The following SMARCA2 variants were observed in gnomAD, a reference collection of about 807,000 sequenced individuals.
The protein encoded by SMARCA2 is SWI/SNF related BAF chromatin remodeling complex subunit ATPase 2.
In SMARCA2, 61 loss-of-function variants were observed where a neutral mutation model predicts 199.8. The observed-to-expected ratio is 0.31, with a 90% confidence interval of 0.25 to 0.38. SMARCA2 has a LOEUF of 0.38. SMARCA2 is among the 10% of genes least tolerant of loss of function. SMARCA2 has a pLI of 1.00. For synonymous variants in SMARCA2, 935 were observed against 732.0 expected (o/e 1.28, Z -4.48); for missense variants, 1,344 against 2,012.2 (o/e 0.67, Z 6.35).
In SMARCA2 at chr9:2,017,103, G is replaced by C. The variant is rs1563707149; in HGVS notation, c.-37+1699G>C. ...TTGGGCCGGTTTCCGGTACACGCGG[G>C]GAAATCGCCTCCTGCCAGTGTCTGA... is the stretch of plus-strand genomic sequence containing the variant. On this transcript the variant is annotated intron_variant, in intron 1 of 33. Transcript: ENST00000349721. This position sits in a 1 kb window ranked among gnomAD's most constrained non-coding sequence, Gnocchi z 8.8. 6.6e-6 allele frequency: 1 copy of C among 152,288 alleles called. No homozygotes were observed. Among genetic ancestry groups the C allele is most frequent in the Non-Finnish European group, 1.5e-5 (1 of 68,110 alleles). 9.4% of individuals were successfully genotyped at this position (152,288 alleles called of 1,614,324 possible).
At chr9:2,057,061 A>G (rs1046347273) in intron 7 of SMARCA2, among the ~76,000 whole-genome samples, 3 of 152,202 alleles carry the variant, frequency 2.0e-5, no homozygotes, top group Non-Finnish European at 4.4e-5. Context: ...AGGTCATACA[A>G]TTGCTTAGCA....
In SMARCA2 at chr9:2,104,913, G is replaced by C. The variant is rs1417910530; in HGVS notation, c.3292+744G>C. ...TATGGCATTCAAAGAGTGGTAAGTA[G>C]GAATAGAAGTTAATTTACAGTCAGG... On this transcript the variant is annotated intron_variant, in intron 23 of 33. Coordinates refer to ENST00000349721, the MANE Select transcript of SMARCA2 (RefSeq NM_003070.5). The surrounding 1 kb of genome is among the most constrained non-coding windows in gnomAD (Gnocchi z 4.0). Among the ~76,000 whole-genome samples, 1 of 152,146 alleles carries C rather than the reference G, an allele frequency of 6.6e-6. No homozygotes were observed. The highest frequency in any genetic ancestry group is 2.4e-5 in the African/African-American group (1 of 41,442).
chr9:2,076,118 C>T lies in SMARCA2; in HGVS notation c.1936-111C>T, dbSNP rs1167813425. The T allele has an allele frequency of 9.1e-6, 6 of 660,432 alleles. No homozygotes were observed. In the Admixed American group the frequency reaches 1.6e-4, roughly 18 times the overall value. The allele number at this position is 660,432 out of a possible 1,614,324, so 40.9% of individuals were successfully genotyped here. ...TTACTTCCTCCCTGAATTTTATGATCTTACTTCATTTGTGAAGTTCAATAC... is the reference window on the plus strand; with the variant it reads ...TTACTTCCTCCCTGAATTTTATGATTTTACTTCATTTGTGAAGTTCAATAC... On this transcript the variant is annotated intron_variant, in intron 12 of 33. Transcript: ENST00000349721.
chr9:2,096,674 G>A lies in SMARCA2; in HGVS notation c.2901G>A (p.Lys967=). ...QLPEKVEYVI[K]CDMSALQKIL... is the part of the protein sequence containing the mutation. ...TTCTGCAGGTGGAATATGTGATCAA[G>A]TGTGACATGTCAGCTCTGCAGAAGA... is the stretch of plus-strand genomic sequence containing the variant. Residue 967 remains lysine (K), a synonymous_variant, in exon 20 of 34, where the codon AAG becomes AAA. Transcript: ENST00000349721. The A allele has an allele frequency of 1.2e-6, 2 of 1,612,942 alleles. No individual in the cohort carries two copies. The highest frequency in any genetic ancestry group is 1.7e-6 in the Non-Finnish European group (2 of 1,178,900).
intron 24 of SMARCA2, among the ~76,000 whole-genome samples, chr9:2,111,938 A>T (rs1300287426): frequency 1.3e-5 from 2 of 152,130 alleles, no homozygotes; most frequent in African/African-American, 4.8e-5. Flanking sequence ...CGACTATTAA[A>T]ATTTTCTGAT....
rs1371556232 is a variant in SMARCA2, at chr9:2,160,210, GC to G, written c.3982-1475del. On this transcript the variant is annotated intron_variant, in intron 27 of 33. Transcript: ENST00000349721. ...ATGAATATTAATGCAATAATGTGAA[GC>G]TTTTTTTTTTTTTTTCCTTTTCCTT... The G allele has an allele frequency of 2.8e-5, 10 of 363,290 alleles. No homozygotes were observed. The Admixed American group carries it at 3.9e-4, about 14-fold the overall frequency. The allele number at this position is 363,290 out of a possible 1,614,324, so 22.5% of individuals were successfully genotyped here. A position where few individuals can be genotyped will look rare whatever the true frequency, so the allele number is the denominator to read the frequency against.
chr9:2,146,908 G>T (rs1390842503), intron 27 of SMARCA2, among the ~76,000 whole-genome samples: 1 of 152,144 alleles, frequency 6.6e-6, no homozygotes, highest in East Asian at 1.9e-4. Flanking sequence ...TTATCAGCAA[G>T]GTCTTTATGA....
intron 4 of SMARCA2, 136 bp downstream of exon 4, chr9:2,040,036 G>A (rs1819537208): frequency 6.8e-7 from 1 of 1,462,674 alleles, no homozygotes. Context: ...CTCTATCCTT[G>A]CTCCACTTAG....
intron 29 of SMARCA2, among the ~76,000 whole-genome samples, chr9:2,179,090 C>T (rs1259798155): frequency 6.6e-6 from 1 of 152,182 alleles, no homozygotes; most frequent in Non-Finnish European, 1.5e-5. Flanking sequence ...GAAAAAACCA[C>T]AGAGAACTTT....
intron 1 of SMARCA2, among the ~76,000 whole-genome samples, chr9:2,019,843 T>A (rs543893481): frequency 6.6e-6 from 1 of 152,164 alleles, no homozygotes; most frequent in South Asian, 2.1e-4. Context: ...TTTAGAAATC[T>A]TCCTTTGTAA....
At chr9:2,058,518 A>T (rs955047723) in intron 8 of SMARCA2, 54 bp downstream of exon 8, 1 of 1,423,194 alleles carries the variant, frequency 7.0e-7, no homozygotes, top group African/African-American at 1.4e-5. Flanking sequence ...GTCCGTCTGC[A>T]ATGAGACCAT....
intron 27 of SMARCA2, among the ~76,000 whole-genome samples, chr9:2,145,304 CAAAAAAAAAAAAAAAA>C (rs56314428): frequency 0.29 from 38,452 of 132,892 alleles, 7,817 homozygotes; most frequent in African/African-American, 0.58. Context: ...ACTCTTGTCT[CAAAAAAAAAAAAAAAA>C]AAAAAAAAAG....
Position 2,024,285 on chromosome 9 carries a change from G to A in SMARCA2, c.-36-4702G>A, listed in dbSNP as rs547929803. 2.6e-5 allele frequency among the ~76,000 whole-genome samples: 4 copies of A among 152,236 alleles called. No homozygotes were observed. The South Asian group carries it at 8.3e-4, about 32-fold the overall frequency. On this transcript the variant is annotated intron_variant, in intron 1 of 33. Transcript: ENST00000349721. Reference sequence around the variant, plus strand: ...TTCCTTTCTCTCCTGTAACCTCTGAGCTAAAGGTAATGTCTCCCATTCTAT... The same window carrying A: ...TTCCTTTCTCTCCTGTAACCTCTGAACTAAAGGTAATGTCTCCCATTCTAT...
At chr9:2,113,697 A>G (rs1026579561) in intron 24 of SMARCA2, among the ~76,000 whole-genome samples, 1 of 152,206 alleles carries the variant, frequency 6.6e-6, no homozygotes, top group Non-Finnish European at 1.5e-5. Flanking sequence ...TAACTGCAGC[A>G]AATTCCCAAG....
chr9:2,165,038 G>A (rs1449912107), intron 28 of SMARCA2, among the ~76,000 whole-genome samples: 1 of 152,116 alleles, frequency 6.6e-6, no homozygotes, highest in Non-Finnish European at 1.5e-5. Flanking sequence ...CATATTTTTG[G>A]TTGGTTTTAG....
At chr9:2,120,697 A>G (rs1391170077) in intron 26 of SMARCA2, among the ~76,000 whole-genome samples, 1 of 152,140 alleles carries the variant, frequency 6.6e-6, no homozygotes, top group African/African-American at 2.4e-5. Flanking sequence ...CCACAATAAA[A>G]TTTTCTTTCT....
intron 14 of SMARCA2, among the ~76,000 whole-genome samples, chr9:2,078,950 AT>A (rs1821445964): frequency 6.6e-6 from 1 of 152,072 alleles, no homozygotes; most frequent in African/African-American, 2.4e-5. Context: ...ATCCAAAAAA[AT>A]AAATAAATAA....
chr9:2,127,727 G>A (rs183160440), intron 27 of SMARCA2, among the ~76,000 whole-genome samples: 5 of 152,314 alleles, frequency 3.3e-5, no homozygotes, highest in Admixed American at 2.6e-4. Flanking sequence ...AAATTTTGGT[G>A]AATATTTAGC....
intron 27 of SMARCA2, among the ~76,000 whole-genome samples, chr9:2,148,936 T>G (rs80050901): frequency 6.6e-6 from 1 of 151,600 alleles, no homozygotes; most frequent in Non-Finnish European, 1.5e-5. Context: ...ACTCTTCATG[T>G]TGATTTCAGC....
Sources: gnomAD v4.1 joint callset for allele counts (sites outside exome capture counted in the v4.1 genomes callset) on GRCh38, gnomAD v4.1.1 for gene constraint, Gnocchi (gnomAD v3.1) non-coding constraint, MANE v1.5 for transcripts, NCBI Gene and HGNC (gene_info 2026-07-23, HGNC 2026-07-21) for gene names.